Variants in SLC25A36 observed in about 807,000 individuals in gnomAD.
SLC25A36 encodes epididymis secretory sperm binding protein.
A neutral mutation model predicts 35.3 loss-of-function variants in SLC25A36; 24 were observed. The ratio of observed to expected loss-of-function variants is 0.68; its 90% CI spans 0.49 to 0.96. SLC25A36 has a LOEUF of 0.96. SLC25A36 is among the 40% of genes least tolerant of loss of function. The pLI, the probability that SLC25A36 is intolerant of heterozygous loss-of-function variation, is 0.00. For missense variants in SLC25A36, 294 were observed against 381.1 expected (o/e 0.77, Z 1.90); for synonymous variants, 141 against 132.2 (o/e 1.07, Z -0.46).
intron 4 of SLC25A36, chr3:140,966,698 G>C: frequency 2.9e-6 from 1 of 346,854 alleles, no homozygotes; most frequent in Non-Finnish European, 5.7e-6. Flanking sequence ...TCTTCTTTTA[G>C]GTAAGTATTT....
At chr3:140,948,386 G>A (rs565615387) in intron 1 of SLC25A36, among the ~76,000 whole-genome samples, 4 of 149,734 alleles carry the variant, frequency 2.7e-5, no homozygotes, top group South Asian at 4.2e-4. Context: ...ATTTCACTGC[G>A]TTAGCCAGGT....
chr3:140,952,417 A>T (rs1439474054), intron 1 of SLC25A36, among the ~76,000 whole-genome samples: 1 of 152,050 alleles, frequency 6.6e-6, no homozygotes, highest in African/African-American at 2.4e-5. Context: ...TCTGAAAGGG[A>T]TTACAGGCAT....
chr3:140,946,945 A>G (rs974550329), intron 1 of SLC25A36, among the ~76,000 whole-genome samples: 3 of 152,186 alleles, frequency 2.0e-5, no homozygotes, highest in Non-Finnish European at 2.9e-5. Context: ...AAGGGAGTGA[A>G]TATAGAGAAG....
At position 140,978,004 on chromosome 3, in the gene SLC25A36, ATGT is replaced by A. The variant is rs1275744928; in HGVS notation, c.*1556_*1558del. The A allele has an allele frequency of 2.2e-4, 33 of 151,882 alleles. No individual in the cohort carries two copies. The highest frequency in any genetic ancestry group is 7.7e-4 in the African/African-American group (32 of 41,376). 9.4% of individuals were successfully genotyped at this position (151,882 alleles called of 1,614,324 possible). On this transcript the variant is annotated 3_prime_UTR_variant, in exon 7 of 7. Coordinates refer to ENST00000324194, the MANE Select transcript of SLC25A36 (RefSeq NM_001104647.3). ...CATAACATTTTTCTGGGTTTTAAAT[ATGT>A]TGTTTCGGATATCCTTAATATAAAT... is the stretch of plus-strand genomic sequence containing the variant.
chr3:140,975,112 T>C lies in SLC25A36; in HGVS notation c.742+1107T>C, dbSNP rs1015950749. 6.9e-3 allele frequency among the ~76,000 whole-genome samples: 722 copies of C among 104,334 alleles called. 12 individuals carry two copies. The highest frequency in any genetic ancestry group is 0.02 in the African/African-American group (597 of 29,686). The allele number at this position is 104,334 out of a possible 152,430, so 68.4% of individuals were successfully genotyped here. ...AAGATACATTCTTTTTTTTTTTTTT[T>C]TTTTTTTTTTTTTTTGATAGGATCT... On this transcript the variant is annotated intron_variant, in intron 6 of 6. Transcript: ENST00000324194.
intron 1 of SLC25A36, among the ~76,000 whole-genome samples, chr3:140,954,910 G>A (rs978528944): frequency 1.3e-5 from 2 of 151,962 alleles, no homozygotes; most frequent in African/African-American, 4.8e-5. Flanking sequence ...AGAAGTCTGT[G>A]CCTAACGCAA....
At chr3:140,949,141 C>CT (rs780404114) in intron 1 of SLC25A36, among the ~76,000 whole-genome samples, 1 of 152,172 alleles carries the variant, frequency 6.6e-6, no homozygotes, top group Non-Finnish European at 1.5e-5. Flanking sequence ...CAAAAAAACA[C>CT]TATCTTTTTG....
intron 6 of SLC25A36, among the ~76,000 whole-genome samples, chr3:140,975,094 A>ATTT (rs1272903563): frequency 3.7e-4 from 9 of 24,250 alleles, no homozygotes; most frequent in Admixed American, 1.6e-3. Flanking sequence ...AACAAGATAC[A>ATTT]TTCTTTTTTT....
At chr3:140,958,966 G>A (rs898968605) in intron 2 of SLC25A36, among the ~76,000 whole-genome samples, 159 of 100,378 alleles carry the variant, frequency 1.6e-3, no homozygotes, top group Non-Finnish European at 2.5e-3. Flanking sequence ...TGTTTTGTGT[G>A]TGTGTGTGTG....
At position 140,978,636 on chromosome 3, in the gene SLC25A36, T is replaced by G. The variant is rs1935113236; in HGVS notation, c.*2183T>G. On this transcript the variant is annotated 3_prime_UTR_variant, in exon 7 of 7. Coordinates refer to ENST00000324194, the MANE Select transcript of SLC25A36 (RefSeq NM_001104647.3). Reference sequence around the variant, plus strand: ...TAGCAAGTAAAACTTGTGTTGACCTTTAGTGCATTATATTCAGCTTTTAAC... The same window carrying G: ...TAGCAAGTAAAACTTGTGTTGACCTGTAGTGCATTATATTCAGCTTTTAAC... 6.6e-6 allele frequency: 1 copy of G among 152,190 alleles called. No individual in the cohort carries two copies. Among genetic ancestry groups the G allele is most frequent in the Admixed American group, 6.6e-5 (1 of 15,266 alleles). The allele number at this position is 152,190 out of a possible 1,614,324, so 9.4% of individuals were successfully genotyped here.
chr3:140,974,062 C>T, intron 6 of SLC25A36, 57 bp downstream of exon 6: 1 of 1,170,202 alleles, frequency 8.5e-7, no homozygotes, highest in Non-Finnish European at 1.2e-6. Flanking sequence ...CAACAGCTCA[C>T]TTATTAAAGC....
At chr3:140,942,466 T>G in intron 1 of SLC25A36, 1 of 174,364 alleles carries the variant, frequency 5.7e-6, no homozygotes, top group Non-Finnish European at 1.2e-5. Context: ...GGCGCTTGAT[T>G]ACCCGGACGC....
At chr3:140,965,090 T>G (rs1334609623) in intron 4 of SLC25A36, 1 of 151,870 alleles carries the variant, frequency 6.6e-6, no homozygotes, top group Admixed American at 6.6e-5. Context: ...TGAATTTGTT[T>G]GCAGTTACAT....
chr3:140,965,396 C>CT (rs959299381), intron 4 of SLC25A36: 3 of 151,568 alleles, frequency 2.0e-5, no homozygotes, highest in African/African-American at 7.3e-5. Context: ...AAATGCTAAC[C>CT]TTGTCACTTT....
intron 3 of SLC25A36, among the ~76,000 whole-genome samples, chr3:140,962,674 T>G (rs898729469): frequency 2.0e-5 from 3 of 152,160 alleles, no homozygotes; most frequent in Admixed American, 1.3e-4. Flanking sequence ...GCTCATACCA[T>G]ATCTACTTAT....
intron 1 of SLC25A36, among the ~76,000 whole-genome samples, chr3:140,944,734 A>G (rs560438224): frequency 3.1e-4 from 47 of 152,282 alleles, no homozygotes; most frequent in Admixed American, 1.8e-3. Flanking sequence ...AATTTAATAT[A>G]TGTAGTGAGT....
intron 2 of SLC25A36, among the ~76,000 whole-genome samples, chr3:140,959,008 GTTTTCTT>G (rs1934559883): frequency 1.1e-5 from 1 of 91,440 alleles, no homozygotes; most frequent in Non-Finnish European, 2.2e-5. Context: ...GTGTGTGTGT[GTTTTCTT>G]TTTCTTTTTT....
rs186731214 is a variant in SLC25A36 at position 140,955,637 on chromosome 3, A to G, written c.42-890A>G. On this transcript the variant is annotated intron_variant, in intron 1 of 6. Transcript: ENST00000324194. Reference sequence around the variant, plus strand: ...GGATTCTTCTAACAAGCCTACCTACATTGTACAGTTTTCCACGTGTAGGCC... The same window carrying G: ...GGATTCTTCTAACAAGCCTACCTACGTTGTACAGTTTTCCACGTGTAGGCC... Among the ~76,000 whole-genome samples, 133 of 152,248 alleles carry G rather than the reference A, an allele frequency of 8.7e-4. 1 individual carries two copies. The highest frequency in any genetic ancestry group is 3.4e-3 in the Middle Eastern group (1 of 294).
chr3:140,959,457 T>C lies in SLC25A36; in HGVS notation c.207-6T>C. 1 of 1,490,798 alleles carries C rather than the reference T, an allele frequency of 6.7e-7. No individual in the cohort carries two copies. The highest frequency in any genetic ancestry group is 8.9e-7 in the Non-Finnish European group (1 of 1,119,662). 92.3% of individuals were successfully genotyped at this position (1,490,798 alleles called of 1,614,324 possible). A position where few individuals can be genotyped will look rare whatever the true frequency, so the allele number is the denominator to read the frequency against. On this transcript the variant is annotated splice_polypyrimidine_tract_variant and splice_region_variant and intron_variant, in intron 2 of 6. Coordinates refer to ENST00000324194, the MANE Select transcript of SLC25A36 (RefSeq NM_001104647.3). ...TTTCTGATAGAATTTTTTTTCTCTCTTTCAGGGTGATCTTGGAAAAAGAAG... is the reference window on the plus strand; with the variant it reads ...TTTCTGATAGAATTTTTTTTCTCTCCTTCAGGGTGATCTTGGAAAAAGAAG...
Sources: gnomAD v4.1 joint callset for allele counts (sites outside exome capture counted in the v4.1 genomes callset) on GRCh38, gnomAD v4.1.1 for gene constraint, MANE v1.5 for transcripts, NCBI Gene and HGNC (gene_info 2026-07-23, HGNC 2026-07-21) for gene names.